The following KDM4C variants were observed in gnomAD, a reference collection of about 807,000 sequenced individuals.
The protein encoded by KDM4C is lysine-specific demethylase 4C.
A neutral mutation model predicts 129.3 loss-of-function variants in KDM4C; 81 were observed. The observed-to-expected ratio is 0.63, with a 90% CI of 0.52 to 0.75. The LOEUF (loss-of-function observed/expected upper bound fraction) is 0.75, where lower values mean the gene tolerates loss of function less well. Among genes scored for constraint, KDM4C ranks in the 30% least tolerant of loss-of-function variants. KDM4C has a pLI of 0.00. For synonymous variants in KDM4C, 573 were observed against 456.1 expected (o/e 1.26, Z -3.26); for missense variants, 1,457 against 1,304.0 (o/e 1.12, Z -1.81).
intron 5 of KDM4C, among the ~76,000 whole-genome samples, chr9:6,853,037 G>A (rs1588698992): frequency 6.6e-6 from 1 of 151,744 alleles, no homozygotes; most frequent in East Asian, 1.9e-4. Context: ...TTTTTTGTGT[G>A]TGTTTTTTTT....
At chr9:7,038,033 T>C (rs1827949484) in intron 15 of KDM4C, among the ~76,000 whole-genome samples, 1 of 152,134 alleles carries the variant, frequency 6.6e-6, no homozygotes, top group African/African-American at 2.4e-5. Context: ...TGAACAGTTT[T>C]GATATCACCG....
intron 8 of KDM4C, among the ~76,000 whole-genome samples, chr9:6,894,115 TTACA>T (rs1846491835): frequency 6.6e-6 from 1 of 152,232 alleles, no homozygotes; most frequent in South Asian, 2.1e-4. Context: ...CTGATAAAAC[TTACA>T]TGTGGAGCCA....
At chr9:6,794,148 C>G (rs1024468186) in intron 2 of KDM4C, among the ~76,000 whole-genome samples, 4 of 152,198 alleles carry the variant, frequency 2.6e-5, no homozygotes, top group Non-Finnish European at 5.9e-5. Context: ...TGGAGATTGC[C>G]TGCTATGTGC....
intron 1 of KDM4C, among the ~76,000 whole-genome samples, chr9:6,721,804 G>T (rs1816964218): frequency 6.7e-6 from 1 of 150,130 alleles, no homozygotes. Flanking sequence ...TGGCCATGCT[G>T]GTCTCAAACT....
At chr9:6,970,744 G>A (rs1000787058) in intron 8 of KDM4C, among the ~76,000 whole-genome samples, 4 of 152,128 alleles carry the variant, frequency 2.6e-5, no homozygotes, top group East Asian at 1.9e-4. Context: ...AGTATGAGCA[G>A]AATTGGTATG....
At chr9:6,903,003 G>C (rs1253960653) in intron 8 of KDM4C, among the ~76,000 whole-genome samples, 1 of 151,582 alleles carries the variant, frequency 6.6e-6, no homozygotes, top group Non-Finnish European at 1.5e-5. Context: ...TAATCCCTTG[G>C]AAAAAACACC....
chr9:6,882,329 A>G (rs1336573955), intron 6 of KDM4C, among the ~76,000 whole-genome samples: 1 of 152,240 alleles, frequency 6.6e-6, no homozygotes, highest in Non-Finnish European at 1.5e-5. Flanking sequence ...CATGAATGAC[A>G]GTTTGGAAGA....
chr9:6,795,145 C>T (rs1827480310), intron 2 of KDM4C, among the ~76,000 whole-genome samples: 1 of 152,130 alleles, frequency 6.6e-6, no homozygotes, highest in Non-Finnish European at 1.5e-5. Flanking sequence ...TCCTTGAAAT[C>T]CCCAGCTATG....
At chr9:6,973,489 T>C (rs1481138597) in intron 8 of KDM4C, among the ~76,000 whole-genome samples, 1 of 152,238 alleles carries the variant, frequency 6.6e-6, no homozygotes, top group Non-Finnish European at 1.5e-5. Context: ...TCAGAGTACA[T>C]GGAGTGCAGG....
intron 1 of KDM4C, among the ~76,000 whole-genome samples, chr9:6,729,900 A>G (rs1364959797): frequency 7.5e-6 from 1 of 134,112 alleles, no homozygotes; most frequent in East Asian, 2.4e-4. Flanking sequence ...ACCTGAGGTC[A>G]GGAGTTCAAG....
At chr9:6,818,513 C>A (rs935445000) in intron 4 of KDM4C, among the ~76,000 whole-genome samples, 3 of 152,126 alleles carry the variant, frequency 2.0e-5, no homozygotes, top group Non-Finnish European at 4.4e-5. Context: ...GAGCAATTGT[C>A]TGGGAAGGGT....
At chr9:7,074,881 T>C (rs1833710914) in intron 17 of KDM4C, among the ~76,000 whole-genome samples, 1 of 152,186 alleles carries the variant, frequency 6.6e-6, no homozygotes, top group South Asian at 2.1e-4. Flanking sequence ...CATGAAAAGG[T>C]ATGTATTCTA....
chr9:6,961,320 G>C (rs896065269), intron 8 of KDM4C, among the ~76,000 whole-genome samples: 1 of 152,122 alleles, frequency 6.6e-6, no homozygotes, highest in Non-Finnish European at 1.5e-5. Flanking sequence ...AGCACTAAAC[G>C]TGGGGTGGTG....
In KDM4C at chr9:6,827,671, T is replaced by A. The variant is rs572875644; in HGVS notation, c.435+12926T>A. On this transcript the variant is annotated intron_variant, in intron 4 of 21. Coordinates refer to ENST00000381309, the MANE Select transcript of KDM4C (RefSeq NM_015061.6). ...TATTTTTATCATGTCAGGATATCAT[T>A]TACTTTGAAATAACAAATCGTTCAA... is the stretch of plus-strand genomic sequence containing the variant. 3.9e-5 allele frequency among the ~76,000 whole-genome samples: 6 copies of A among 152,332 alleles called. No homozygotes were observed. In the East Asian group the frequency reaches 9.6e-4, roughly 24 times the overall value.
At chr9:6,983,351 CA>C (rs1259068521) in intron 9 of KDM4C, among the ~76,000 whole-genome samples, 1 of 151,986 alleles carries the variant, frequency 6.6e-6, no homozygotes, top group Non-Finnish European at 1.5e-5. Flanking sequence ...GCATATATGC[CA>C]AAGCTATCAA....
At chr9:6,856,816 G>T (rs1399941497) in intron 5 of KDM4C, among the ~76,000 whole-genome samples, 3 of 146,390 alleles carry the variant, frequency 2.0e-5, no homozygotes, top group African/African-American at 5.1e-5. Flanking sequence ...GGACTGCAGT[G>T]GCGCAATCTC....
In KDM4C at chr9:7,011,624, A is replaced by G. The variant is rs778167244; in HGVS notation, c.1787-74A>G. ...ATATCACAGATTCTGTGGAATGTTTATTTCTTTTGTACTCAGGGTGATTGT... is the reference window on the plus strand; with the variant it reads ...ATATCACAGATTCTGTGGAATGTTTGTTTCTTTTGTACTCAGGGTGATTGT... On this transcript the variant is annotated intron_variant, in intron 12 of 21. Transcript: ENST00000381309. The G allele has an allele frequency of 5.3e-6, 7 of 1,331,618 alleles. No homozygotes were observed. In the East Asian group the frequency reaches 1.4e-4, roughly 26 times the overall value. 82.5% of individuals were successfully genotyped at this position (1,331,618 alleles called of 1,614,324 possible). A position where few individuals can be genotyped will look rare whatever the true frequency, so the allele number is the denominator to read the frequency against.
intron 4 of KDM4C, among the ~76,000 whole-genome samples, chr9:6,839,098 G>A (rs1433068076): frequency 6.6e-6 from 1 of 152,178 alleles, no homozygotes; most frequent in African/African-American, 2.4e-5. Context: ...CATTAGCCTA[G>A]CTTTAAGTTG....
intron 3 of KDM4C, among the ~76,000 whole-genome samples, chr9:6,807,350 G>C (rs1217790178): frequency 1.3e-5 from 2 of 148,330 alleles, no homozygotes; most frequent in Non-Finnish European, 3.0e-5. Flanking sequence ...CCCATCGTCT[G>C]GGATGTGAGG....
Sources: gnomAD v4.1 joint callset for allele counts (sites outside exome capture counted in the v4.1 genomes callset) on GRCh38, gnomAD v4.1.1 for gene constraint, MANE v1.5 for transcripts, NCBI Gene and HGNC (gene_info 2026-07-23, HGNC 2026-07-21) for gene names.